CARD6: variants seen among roughly 807,000 people sequenced by gnomAD.
CARD6 encodes the protein caspase recruitment domain family member 6.
CARD6 carries 27 observed loss-of-function variants against 23.6 expected under a neutral mutation model. The ratio of observed to expected loss-of-function variants is 1.14; its 90% CI spans 0.84 to 1.58. The LOEUF (loss-of-function observed/expected upper bound fraction) is 1.58. Ranked by LOEUF, CARD6 falls within the 40% of genes most tolerant of loss-of-function variation. The pLI, the probability that CARD6 is intolerant of heterozygous loss-of-function variation, is 0.00. For synonymous variants in CARD6, 397 were observed against 431.8 expected (o/e 0.92, Z 1.00); for missense variants, 1,214 against 1,209.9 (o/e 1.00, Z -0.05).
At position 40,843,465 on chromosome 5, in the gene CARD6, A is replaced by T; in HGVS notation, c.597A>T (p.Arg199Ser). Residue 199 changes from arginine (R) to serine (S), a missense_variant, in exon 2 of 3, where the codon AGA becomes AGT. Arg to Ser is a moderately radical substitution (Grantham distance 110). Coordinates refer to ENST00000254691, the MANE Select transcript of CARD6 (RefSeq NM_032587.4). ...ATITYIKDGQRYEELDDSLYL... is the reference protein window; with the variant it reads ...ATITYIKDGQSYEELDDSLYL... Reference sequence around the variant, plus strand: ...TTACATATATAAAAGATGGACAGAGATATGAGGAGCTAGATGATTCTTTAT... The same window carrying T: ...TTACATATATAAAAGATGGACAGAGTTATGAGGAGCTAGATGATTCTTTAT... The T allele has an allele frequency of 6.2e-7, 1 of 1,613,284 alleles. No individual in the cohort carries two copies. The highest frequency in any genetic ancestry group is 1.1e-5 in the South Asian group (1 of 90,894).
intron 2 of CARD6, among the ~76,000 whole-genome samples, chr5:40,850,413 C>CAAAAAAAAAAA (rs70988813): frequency 1.1e-4 from 4 of 36,592 alleles, no homozygotes; most frequent in African/African-American, 4.1e-4. Flanking sequence ...CACTCCATCT[C>CAAAAAAAAAAA]AAAAAAAAAA....
chr5:40,850,590 C>T (rs1044702654), intron 2 of CARD6, among the ~76,000 whole-genome samples: 23 of 148,628 alleles, frequency 1.5e-4, no homozygotes, highest in Admixed American at 2.7e-4. Flanking sequence ...GGTGTGACGG[C>T]GGGCGCCTGT....
rs1414286147 is a variant in CARD6 at position 40,854,560 on chromosome 5, CAAAG to C, written c.*120_*123del. Reference sequence around the variant, plus strand: ...AGACTACTGTCATTAGCATGTAAAACAAAGAAAGATATACATGACTGAATTGGAT... The same window carrying C: ...AGACTACTGTCATTAGCATGTAAAACAAAGATATACATGACTGAATTGGAT... On this transcript the variant is annotated 3_prime_UTR_variant, in exon 3 of 3. Transcript: ENST00000254691. The C allele has an allele frequency of 1.4e-5, 12 of 838,286 alleles. No individual in the cohort carries two copies. The highest frequency in any genetic ancestry group is 2.3e-5 in the Non-Finnish European group (12 of 525,630). 51.9% of individuals were successfully genotyped at this position (838,286 alleles called of 1,614,324 possible). A position where few individuals can be genotyped will look rare whatever the true frequency, so the allele number is the denominator to read the frequency against.
Position 40,843,467 on chromosome 5 carries a change from A to G in CARD6, c.599A>G (p.Tyr200Cys). The change falls in exon 2 of 3, where the codon TAT becomes TGT. Residue 200 changes from tyrosine to cysteine, a missense_variant. Coordinates refer to ENST00000254691, the MANE Select transcript of CARD6 (RefSeq NM_032587.4). ...ACATATATAAAAGATGGACAGAGAT[A>G]TGAGGAGCTAGATGATTCTTTATAC... Reference protein sequence around the residue: ...TITYIKDGQRYEELDDSLYLG... With the variant: ...TITYIKDGQRCEELDDSLYLG... The G allele has an allele frequency of 6.2e-7, 1 of 1,613,184 alleles. No individual in the cohort carries two copies. Among genetic ancestry groups the G allele is most frequent in the Non-Finnish European group, 8.5e-7 (1 of 1,179,726 alleles).
At position 40,852,763 on chromosome 5, in the gene CARD6, T is replaced by C; in HGVS notation, c.1431T>C (p.Pro477=). 1 of 1,614,152 alleles carries C rather than the reference T, an allele frequency of 6.2e-7. No individual in the cohort carries two copies. Among genetic ancestry groups the C allele is most frequent in the Middle Eastern group, 1.6e-4 (1 of 6,062 alleles). The change falls in exon 3 of 3, where the codon CCT becomes CCC. Residue 477 remains proline, a synonymous_variant. Coordinates refer to ENST00000254691, the MANE Select transcript of CARD6 (RefSeq NM_032587.4). ...GAATCCTCAACACACTTCTCAGCCC[T>C]GCCCAGTTGAAATTACACAAAATCT... ...KSRILNTLLS[P]AQLKLHKIFL...
At chr5:40,848,761 C>T (rs529333675) in intron 2 of CARD6, among the ~76,000 whole-genome samples, 5 of 152,232 alleles carry the variant, frequency 3.3e-5, no homozygotes, top group African/African-American at 1.2e-4. Flanking sequence ...GACTCCTTTT[C>T]CATGGGTGGC....
Position 40,850,031 on chromosome 5 carries a change from A to G in CARD6, c.842-2143A>G, listed in dbSNP as rs182481618. Among the ~76,000 whole-genome samples, 2 of 152,176 alleles carry G rather than the reference A, an allele frequency of 1.3e-5. 1 individual carries two copies. The highest frequency in any genetic ancestry group is 3.9e-4 in the East Asian group (2 of 5,140). ...TTTGGAAAATGGGAGATCAGGAAAA[A>G]TTAGGTATAGCATGTAAACTCCGAG... On this transcript the variant is annotated intron_variant, in intron 2 of 2. Coordinates refer to ENST00000254691, the MANE Select transcript of CARD6 (RefSeq NM_032587.4).
At chr5:40,851,991 G>A (rs1277767471) in intron 2 of CARD6, among the ~76,000 whole-genome samples, 183 bp from the exon 3 acceptor site, 2 of 152,036 alleles carry the variant, frequency 1.3e-5, no homozygotes, top group African/African-American at 4.8e-5. Context: ...CAGGCATGGT[G>A]GTGGGTGACT....
rs568433433 is a variant in CARD6 at position 40,853,973 on chromosome 5, G to A, written c.2641G>A (p.Ala881Thr). ...CACCAGGGTAACAGAGTTAACTGAA[G>A]CAACTGGAAAACTGATAAGAACATC... ...ACTRVTELTE[A>T]TGKLIRTSHI... is the part of the protein sequence containing the mutation. Residue 881 changes from alanine (A) to threonine (T), a missense_variant, in exon 3 of 3, where the codon GCA becomes ACA. Coordinates refer to ENST00000254691, the MANE Select transcript of CARD6 (RefSeq NM_032587.4). 2.5e-6 allele frequency: 4 copies of A among 1,614,206 alleles called. No individual in the cohort carries two copies. In the African/African-American group the frequency reaches 4.0e-5, roughly 16 times the overall value.
chr5:40,844,405 G>A (rs1371045504), intron 2 of CARD6, among the ~76,000 whole-genome samples: 1 of 151,532 alleles, frequency 6.6e-6, no homozygotes, highest in Non-Finnish European at 1.5e-5. Context: ...GGCTAATTTT[G>A]TATTTTGTAA....
At chr5:40,852,146 G>A in intron 2 of CARD6, 28 bp from the exon 3 acceptor site, 4 of 1,400,864 alleles carry the variant, frequency 2.9e-6, no homozygotes, top group Non-Finnish European at 2.0e-6. Context: ...TCTGAACATG[G>A]CATTCACTAT....
chr5:40,844,492 A>T (rs1290306387), intron 2 of CARD6, among the ~76,000 whole-genome samples: 1 of 152,194 alleles, frequency 6.6e-6, no homozygotes, highest in African/African-American at 2.4e-5. Flanking sequence ...TGGCCACCCA[A>T]AATCCTGGGA....
rs569969060 is a variant in CARD6 at position 40,852,402 on chromosome 5, A to G, written c.1070A>G (p.Asp357Gly). ...GTTCTGGATGAAGATAGCAAGGAGG[A>G]TTTGCTGGCTGGAGTGGAGAATTTG... is the stretch of plus-strand genomic sequence containing the variant. ...HKVLDEDSKE[D>G]LLAGVENLEI... The change falls in exon 3 of 3, where the codon GAT (aspartate) becomes GGT (glycine). Residue 357 changes from aspartate to glycine, a missense_variant. Coordinates refer to ENST00000254691, the MANE Select transcript of CARD6 (RefSeq NM_032587.4). 3.1e-6 allele frequency: 5 copies of G among 1,613,950 alleles called. No individual in the cohort carries two copies. Among genetic ancestry groups the G allele is most frequent in the Non-Finnish European group, 4.2e-6 (5 of 1,180,002 alleles).
intron 2 of CARD6, among the ~76,000 whole-genome samples, chr5:40,848,252 C>T (rs1375139742): frequency 7.8e-5 from 11 of 141,390 alleles, no homozygotes; most frequent in Admixed American, 5.2e-4. Context: ...CTCTGTTGCT[C>T]AGGCTAGAGT....
chr5:40,853,690 A>G lies in CARD6; in HGVS notation c.2358A>G (p.Gln786=), dbSNP rs914408985. The change falls in exon 3 of 3, where the codon CAA becomes CAG. Residue 786 remains glutamine (Q), a synonymous_variant. Transcript: ENST00000254691. ...AQGRGKSFGI[Q]SFHPQIFYSG... is the part of the protein sequence containing the mutation. ...GCCGAGGTAAAAGTTTTGGTATTCA[A>G]TCCTTCCATCCCCAGATATTTTATT... 6.2e-7 allele frequency: 1 copy of G among 1,614,194 alleles called. No individual in the cohort carries two copies. The highest frequency in any genetic ancestry group is 1.7e-5 in the Admixed American group (1 of 60,026).
At position 40,841,529 on chromosome 5, in the gene CARD6, T is replaced by C. The variant is rs779423262; in HGVS notation, c.147T>C (p.Asn49=). 3.5e-5 allele frequency: 57 copies of C among 1,614,010 alleles called. No individual in the cohort carries two copies. The highest frequency in any genetic ancestry group is 4.5e-5 in the Non-Finnish European group (53 of 1,179,996). The change falls in exon 1 of 3, where the codon AAT becomes AAC. Residue 49 remains asparagine, a synonymous_variant. Transcript: ENST00000254691. ...ISEEEYETLE[N]VTDLLKKSRK... is the part of the protein sequence containing the mutation. ...AGGAAGAGTATGAGACTCTGGAGAA[T>C]GTTACAGATCTCCTGAAGAAAAGTC...
At chr5:40,841,713 T>A in intron 1 of CARD6, 48 bp downstream of exon 1, 1 of 1,420,220 alleles carries the variant, frequency 7.0e-7, no homozygotes, top group South Asian at 1.5e-5. Flanking sequence ...GGGGGCAGAC[T>A]TTCTGAAAAA....
rs148757758 is a variant in CARD6 at position 40,842,074 on chromosome 5, C to T, written c.283+409C>T. Among the ~76,000 whole-genome samples the T allele has an allele frequency of 1.4e-3, 216 of 152,258 alleles. 6 individuals are homozygous for T. Among genetic ancestry groups the T allele is most frequent in the Admixed American group, 0.012 (181 of 15,282 alleles). On this transcript the variant is annotated intron_variant, in intron 1 of 2. Coordinates refer to ENST00000254691, the MANE Select transcript of CARD6 (RefSeq NM_032587.4). ...AGCTGTATCTTTCACTTAGTATAGCCGTTTTGAAAATACAAGGAAAATAAT... is the reference window on the plus strand; with the variant it reads ...AGCTGTATCTTTCACTTAGTATAGCTGTTTTGAAAATACAAGGAAAATAAT...
Position 40,853,379 on chromosome 5 carries a change from G to A in CARD6, c.2047G>A (p.Gly683Ser), listed in dbSNP as rs777814010. 6.8e-6 allele frequency: 11 copies of A among 1,613,962 alleles called. No homozygotes were observed. The African/African-American group carries it at 8.0e-5, about 12-fold the overall frequency. ...ENMAGTAEGE[G>S]QQRHSQLKSS... is the part of the protein sequence containing the mutation. ...CATGGCTGGGACAGCTGAAGGTGAG[G>A]GTCAGCAAAGACACAGTCAGCTAAA... The change falls in exon 3 of 3, where the codon GGT (glycine) becomes AGT (serine). Residue 683 changes from glycine (G) to serine (S), a missense_variant. Physicochemically the swap from Gly to Ser is moderately conservative, Grantham distance 56 (BLOSUM62 0). Coordinates refer to ENST00000254691, the MANE Select transcript of CARD6 (RefSeq NM_032587.4).
Sources: gnomAD v4.1 joint callset for allele counts (sites outside exome capture counted in the v4.1 genomes callset) on GRCh38, gnomAD v4.1.1 for gene constraint, MANE v1.5 for transcripts, NCBI Gene and HGNC (gene_info 2026-07-23, HGNC 2026-07-21) for gene names.